SLC35F3: variants seen among roughly 807,000 people sequenced by gnomAD.
SLC35F3 encodes the protein solute carrier family 35 member F3.
SLC35F3 carries 25 observed loss-of-function variants against 49.9 expected under a neutral mutation model. The ratio of observed to expected loss-of-function variants is 0.50; its 90% CI spans 0.37 to 0.70. The LOEUF (loss-of-function observed/expected upper bound fraction) is 0.70, where lower values mean the gene tolerates loss of function less well. Ranked by LOEUF, SLC35F3 falls within the 30% of genes least tolerant of loss-of-function variation. The pLI is 0.00. For missense variants in SLC35F3, 525 were observed against 639.8 expected (o/e 0.82, Z 1.94); for synonymous variants, 275 against 265.4 (o/e 1.04, Z -0.35).
chr1:234,011,912 A>G (rs549726032), intron 2 of SLC35F3, among the ~76,000 whole-genome samples: 5 of 152,254 alleles, frequency 3.3e-5, no homozygotes, highest in Non-Finnish European at 5.9e-5. Flanking sequence ...TAGAGAAAGA[A>G]AAGTGGGCCC....
At chr1:234,074,038 C>G (rs1334124391) in intron 2 of SLC35F3, among the ~76,000 whole-genome samples, 3 of 152,160 alleles carry the variant, frequency 2.0e-5, no homozygotes, top group Admixed American at 6.5e-5. Flanking sequence ...ATCTATTCTT[C>G]TACTGTTTTT....
At chr1:234,180,050 A>T (rs1374869144) in intron 2 of SLC35F3, among the ~76,000 whole-genome samples, 1 of 152,092 alleles carries the variant, frequency 6.6e-6, no homozygotes, top group Non-Finnish European at 1.5e-5. Flanking sequence ...ATTTCCATAG[A>T]CATTTTTTGT....
At position 234,318,931 on chromosome 1, in the gene SLC35F3, G is replaced by C. The variant is rs753316921; in HGVS notation, c.1135G>C (p.Val379Leu). The change falls in exon 6 of 8, where the codon GTT becomes CTT. Residue 379 changes from valine to leucine, a missense_variant. Physicochemically the swap from Val to Leu is conservative, Grantham distance 32. Transcript: ENST00000366618. The part of the protein sequence containing the change: ...IPWGNLCGFS[V>L]LLLTFNIVLN... Reference sequence around the variant, plus strand: ...ATGGGGAAACCTTTGTGGATTTTCAGTTCTTTTATTGAGTAAGTGCTAATC... The same window carrying C: ...ATGGGGAAACCTTTGTGGATTTTCACTTCTTTTATTGAGTAAGTGCTAATC... 1.2e-6 allele frequency: 2 copies of C among 1,613,784 alleles called. No individual in the cohort carries two copies. Among genetic ancestry groups the C allele is most frequent in the African/African-American group, 1.3e-5 (1 of 74,898 alleles).
chr1:234,069,524 G>A (rs1339795598), intron 2 of SLC35F3, among the ~76,000 whole-genome samples: 1 of 152,024 alleles, frequency 6.6e-6, no homozygotes, highest in African/African-American at 2.4e-5. Context: ...CAAAGTACTG[G>A]GATTACCGGC....
At chr1:234,272,148 G>T (rs1012101141) in intron 3 of SLC35F3, among the ~76,000 whole-genome samples, 1 of 152,064 alleles carries the variant, frequency 6.6e-6, no homozygotes, top group Admixed American at 6.6e-5. Flanking sequence ...AAACAAATGT[G>T]TGAAGACAAC....
chr1:233,932,295 C>CA (rs11395145), intron 2 of SLC35F3, among the ~76,000 whole-genome samples: 43,589 of 151,704 alleles, frequency 0.29, 7,498 homozygotes, highest in Admixed American at 0.49. Context: ...TAAAGTATAA[C>CA]AAAAAAAGAA....
chr1:233,907,645 T>C (rs1056721306), intron 2 of SLC35F3, among the ~76,000 whole-genome samples: 1 of 152,206 alleles, frequency 6.6e-6, no homozygotes, highest in Admixed American at 6.5e-5. Context: ...ATTAATTAGG[T>C]GTAATGTTTA....
intron 2 of SLC35F3, among the ~76,000 whole-genome samples, chr1:234,171,899 C>T (rs1337055649): frequency 6.6e-6 from 1 of 152,132 alleles, no homozygotes; most frequent in Non-Finnish European, 1.5e-5. Flanking sequence ...TCACTATGAA[C>T]CCCATAAATG....
Position 234,069,089 on chromosome 1 carries a change from ATATAT to A in SLC35F3, c.284-162318_284-162314del, listed in dbSNP as rs1268333572. ...ATATATATTATATGCAATATATATT[ATATAT>A]TATATTATAATATATTGTATATTTT... is the stretch of plus-strand genomic sequence containing the variant. On this transcript the variant is annotated intron_variant, in intron 2 of 7. Transcript: ENST00000366618. 2.0e-4 allele frequency among the ~76,000 whole-genome samples: 25 copies of A among 125,812 alleles called. No individual in the cohort carries two copies. In the East Asian group the frequency reaches 3.8e-3, roughly 19 times the overall value. The allele number at this position is 125,812 out of a possible 152,430, so 82.5% of individuals were successfully genotyped here.
intron 2 of SLC35F3, among the ~76,000 whole-genome samples, chr1:233,927,718 TC>T (rs761959356): frequency 2.2e-4 from 34 of 152,076 alleles, no homozygotes; most frequent in Non-Finnish European, 3.7e-4. Context: ...AATTTTTGTC[TC>T]CCAGAGTATG....
chr1:233,994,046 G>A (rs10910324), intron 2 of SLC35F3, among the ~76,000 whole-genome samples: 41,917 of 152,068 alleles, frequency 0.28, 6,020 homozygotes, highest in East Asian at 0.49. Context: ...AATTGTCACC[G>A]TGCAATCTGA....
intron 2 of SLC35F3, among the ~76,000 whole-genome samples, chr1:233,945,630 A>G (rs2102801591): frequency 6.6e-6 from 1 of 152,316 alleles, no homozygotes; most frequent in East Asian, 1.9e-4. Context: ...AGTTATAATA[A>G]TCCCCATGTG....
chr1:234,034,870 A>G (rs1419141970), intron 2 of SLC35F3, among the ~76,000 whole-genome samples: 1 of 152,126 alleles, frequency 6.6e-6, no homozygotes, highest in Non-Finnish European at 1.5e-5. Context: ...TAACCTTTTA[A>G]TTCTCCATAA....
intron 2 of SLC35F3, among the ~76,000 whole-genome samples, chr1:234,069,234 A>T (rs1249084709): frequency 7.3e-6 from 1 of 137,128 alleles, no homozygotes; most frequent in Non-Finnish European, 1.5e-5. Flanking sequence ...AATTTTATAT[A>T]AAAATATATA....
At chr1:234,223,143 C>T (rs777621291) in intron 2 of SLC35F3, among the ~76,000 whole-genome samples, 12 of 152,216 alleles carry the variant, frequency 7.9e-5, no homozygotes, top group Non-Finnish European at 1.6e-4. Context: ...CATGATTCAC[C>T]TTAGGCTGAG....
chr1:233,926,139 T>C (rs1485463839), intron 2 of SLC35F3, among the ~76,000 whole-genome samples: 1 of 152,166 alleles, frequency 6.6e-6, no homozygotes, highest in Non-Finnish European at 1.5e-5. Context: ...AGGAGTATCT[T>C]TGTGGCATTC....
At chr1:233,952,353 C>G (rs1056183019) in intron 2 of SLC35F3, among the ~76,000 whole-genome samples, 2 of 152,136 alleles carry the variant, frequency 1.3e-5, no homozygotes, top group African/African-American at 4.8e-5. Context: ...TGACTTTCTC[C>G]TAGAACAATT....
At chr1:234,284,361 C>G (rs1668377445) in intron 3 of SLC35F3, among the ~76,000 whole-genome samples, 1 of 152,196 alleles carries the variant, frequency 6.6e-6, no homozygotes, top group Admixed American at 6.5e-5. Flanking sequence ...TGTCTATGCA[C>G]AAGACAACTG....
intron 2 of SLC35F3, among the ~76,000 whole-genome samples, chr1:234,103,151 A>T (rs971873220): frequency 6.6e-6 from 1 of 152,258 alleles, no homozygotes; most frequent in Non-Finnish European, 1.5e-5. Flanking sequence ...CAGCCTTCTG[A>T]TCTACCTGTA....
Sources: allele counts gnomAD v4.1 joint callset (sites outside exome capture counted in the v4.1 genomes callset), GRCh38; gene constraint gnomAD v4.1.1; transcripts MANE v1.5; gene names NCBI Gene and HGNC (gene_info 2026-07-23, HGNC 2026-07-21).